PHACTR2: variants seen among roughly 807,000 people sequenced by gnomAD.
PHACTR2 encodes phosphatase and actin regulator 2, also known as chromosome 6 open reading frame 56.
A neutral mutation model predicts 76.0 loss-of-function variants in PHACTR2; 30 were observed. The observed-to-expected ratio is 0.39, with a 90% CI of 0.30 to 0.54. The LOEUF (loss-of-function observed/expected upper bound fraction) is 0.54. Among genes scored for constraint, PHACTR2 ranks in the 20% least tolerant of loss-of-function variants. The probability of loss-of-function intolerance (pLI) is 0.61; values close to 1 mark genes in which losing one functional copy is unlikely to be tolerated. For missense variants in PHACTR2, 696 were observed against 781.1 expected, an observed-to-expected ratio of 0.89 and a Z score of 1.30; for synonymous variants, 292 against 292.5, an observed-to-expected ratio of 1.00 and a Z score of 0.02.
At chr6:143,687,738 A>C (rs1562270235) in intron 1 of PHACTR2, among the ~76,000 whole-genome samples, 1 of 152,142 alleles carries the variant, frequency 6.6e-6, no homozygotes, top group Non-Finnish European at 1.5e-5. Flanking sequence ...AGCCCTTAAC[A>C]CTAAGGAAAT....
rs891780507 is a variant in PHACTR2 at position 143,829,511 on chromosome 6, A to G, written c.*5822A>G. On this transcript the variant is annotated 3_prime_UTR_variant, in exon 13 of 13. Transcript: ENST00000440869. ...TAATAAGATTTGTGAATGCTGCATCATGATGAAAATGTGGATTAACTGTGG... is the reference window on the plus strand; with the variant it reads ...TAATAAGATTTGTGAATGCTGCATCGTGATGAAAATGTGGATTAACTGTGG... 1 of 152,238 alleles carries G rather than the reference A, an allele frequency of 6.6e-6. No homozygotes were observed. The highest frequency in any genetic ancestry group is 6.5e-5 in the Admixed American group (1 of 15,290). The allele number at this position is 152,238 out of a possible 1,614,324, so 9.4% of individuals were successfully genotyped here. A position where few individuals can be genotyped will look rare whatever the true frequency, so the allele number is the denominator to read the frequency against.
chr6:143,625,752 G>A lies in PHACTR2; in HGVS notation c.13+17430G>A, dbSNP rs372416222. On this transcript the variant is annotated intron_variant, in intron 1 of 11. Transcript: ENST00000305766. The surrounding 1 kb of genome is among the most constrained non-coding windows in gnomAD (Gnocchi z 4.3). ...GGCACTCTTCCGGGTGCAGTGAATGGGGCAGTGATGAGACACATGGAGTCC... is the reference window on the plus strand; with the variant it reads ...GGCACTCTTCCGGGTGCAGTGAATGAGGCAGTGATGAGACACATGGAGTCC... Among the ~76,000 whole-genome samples, 75 of 152,298 alleles carry A rather than the reference G, an allele frequency of 4.9e-4. 1 individual carries two copies. In the East Asian group the frequency reaches 5.2e-3, roughly 11 times the overall value.
chr6:143,703,843 A>C (rs1293701836), intron 1 of PHACTR2, among the ~76,000 whole-genome samples: 1 of 152,190 alleles, frequency 6.6e-6, no homozygotes, highest in South Asian at 2.1e-4. Context: ...AAGTTCAAAA[A>C]TAATCTAAAA....
Position 143,811,285 on chromosome 6 carries a change from T to C in PHACTR2, c.1922+4152T>C, listed in dbSNP as rs1776168738. Among the ~76,000 whole-genome samples the C allele has an allele frequency of 6.6e-6, 1 of 152,226 alleles. No homozygotes were observed. Among genetic ancestry groups the C allele is most frequent in the Non-Finnish European group, 1.5e-5 (1 of 68,028 alleles). ...GCTTATTATGTTCTAATGAGCTGTT[T>C]GTCTATCCATGTCTATATCCTACTG... On this transcript the variant is annotated intron_variant, in intron 12 of 12. Transcript: ENST00000440869. The surrounding 1 kb of genome is among the most constrained non-coding windows in gnomAD (Gnocchi z 4.1).
At chr6:143,677,911 C>A (rs1777282293), upstream of PHACTR2, 1 of 732,468 alleles carries the variant, frequency 1.4e-6, no homozygotes, top group Non-Finnish European at 1.8e-6. Context: ...CCTCACCCCC[C>A]TTCTTCCCCC....
At position 143,547,883 on chromosome 6, in the gene PHACTR2, C is replaced by T. The variant is rs567952400; in HGVS notation, c.217+10676C>T. ...CTGTATCTATGTATGTATGTATGTA[C>T]GTATGTATCTATCTATCTATCTATC... On this transcript the variant is annotated intron_variant, in intron 1 of 11. Transcript: ENST00000367584. The surrounding 1 kb of genome is among the most constrained non-coding windows in gnomAD (Gnocchi z 4.2). 2.6e-5 allele frequency among the ~76,000 whole-genome samples: 4 copies of T among 151,254 alleles called. No homozygotes were observed. The highest frequency in any genetic ancestry group is 7.4e-5 in the African/African-American group (3 of 40,646).
Position 143,549,273 on chromosome 6 carries a change from T to C in PHACTR2, c.217+12066T>C, listed in dbSNP as rs1775051801. Among the ~76,000 whole-genome samples, 1 of 151,956 alleles carries C rather than the reference T, an allele frequency of 6.6e-6. No individual in the cohort carries two copies. Among genetic ancestry groups the C allele is most frequent in the African/African-American group, 2.4e-5 (1 of 41,406 alleles). On this transcript the variant is annotated intron_variant, in intron 1 of 11. Coordinates refer to the PHACTR2 transcript ENST00000367584. This position sits in a 1 kb window ranked among gnomAD's most constrained non-coding sequence, Gnocchi z 4.2. ...TCTCTTCCCAAATGGAACAATATGG[T>C]AGTGAGGCCAGTTCAAACCCTTGCT...
At chr6:143,681,912 T>G (rs947260023) in intron 1 of PHACTR2, among the ~76,000 whole-genome samples, 1 of 152,274 alleles carries the variant, frequency 6.6e-6, no homozygotes, top group African/African-American at 2.4e-5. Context: ...ACTTCTGGAT[T>G]CTCAATTCTG....
chr6:143,726,843 A>G (rs781662662), intron 2 of PHACTR2, among the ~76,000 whole-genome samples: 8 of 152,204 alleles, frequency 5.3e-5, no homozygotes, highest in Non-Finnish European at 1.0e-4. Flanking sequence ...GTGTATATTT[A>G]TAGGATACAT....
Position 143,598,041 on chromosome 6 carries a change from T to G in PHACTR2, c.217+60834T>G, listed in dbSNP as rs868755774. The stretch of plus-strand genomic sequence containing the variant: ...ACTTTAGTTAAGGTGACTTGATGCA[T>G]GTAGTTTGTTAAGACAGTGATGATA... On this transcript the variant is annotated intron_variant, in intron 1 of 11. Transcript: ENST00000367584. The surrounding 1 kb of genome is among the most constrained non-coding windows in gnomAD (Gnocchi z 4.1). Among the ~76,000 whole-genome samples the G allele has an allele frequency of 6.6e-6, 1 of 152,104 alleles. No homozygotes were observed. Among genetic ancestry groups the G allele is most frequent in the African/African-American group, 2.4e-5 (1 of 41,380 alleles).
chr6:143,685,804 GA>G (rs1777503714), intron 1 of PHACTR2, among the ~76,000 whole-genome samples: 1 of 151,548 alleles, frequency 6.6e-6, no homozygotes, highest in Admixed American at 6.6e-5. Context: ...CAACTTATCA[GA>G]AAAGCAGTTT....
At chr6:143,655,290 TTAGTGGTTGTC>T (rs1336819153) in intron 1 of PHACTR2, among the ~76,000 whole-genome samples, 1 of 152,088 alleles carries the variant, frequency 6.6e-6, no homozygotes, top group African/African-American at 2.4e-5. Context: ...AGAAAGTACA[TTAGTGGTTGTC>T]TAGGGTTGGG....
At chr6:143,763,276 T>G (rs186568830) in intron 5 of PHACTR2, among the ~76,000 whole-genome samples, 12 of 152,230 alleles carry the variant, frequency 7.9e-5, no homozygotes, top group Admixed American at 5.9e-4. Context: ...GGAGAATCAC[T>G]TGAACCCGGG....
At chr6:143,693,463 C>G (rs1777696851) in intron 1 of PHACTR2, among the ~76,000 whole-genome samples, 1 of 152,200 alleles carries the variant, frequency 6.6e-6, no homozygotes, top group South Asian at 2.1e-4. Context: ...GTCTCGAAAT[C>G]CTGACCTCAG....
intron 1 of PHACTR2, among the ~76,000 whole-genome samples, chr6:143,544,263 A>G (rs13211706): frequency 0.033 from 3,767 of 115,182 alleles, 81 homozygotes; most frequent in South Asian, 0.15. Flanking sequence ...GGAAGGAAGG[A>G]AGGCGGGCAG....
At position 143,556,559 on chromosome 6, in the gene PHACTR2, G is replaced by A. The variant is rs1483011470; in HGVS notation, c.217+19352G>A. ...GAGAAAAAATATTTTGAGAAAAGTTGACTAGCTCCTCTGCAGTGACAGCAT... is the reference window on the plus strand; with the variant it reads ...GAGAAAAAATATTTTGAGAAAAGTTAACTAGCTCCTCTGCAGTGACAGCAT... On this transcript the variant is annotated intron_variant, in intron 1 of 11. Coordinates refer to the PHACTR2 transcript ENST00000367584. The surrounding 1 kb of genome is among the most constrained non-coding windows in gnomAD (Gnocchi z 4.3). Among the ~76,000 whole-genome samples, 3 of 152,188 alleles carry A rather than the reference G, an allele frequency of 2.0e-5. No homozygotes were observed. The highest frequency in any genetic ancestry group is 4.8e-5 in the African/African-American group (2 of 41,452).
intron 1 of PHACTR2, among the ~76,000 whole-genome samples, chr6:143,686,131 CAAA>C (rs555725210): frequency 2.1e-4 from 22 of 105,062 alleles, no homozygotes; most frequent in Non-Finnish European, 3.5e-4. Context: ...GATTCTGTCT[CAAA>C]AAAAAAAAAA....
At position 143,710,408 on chromosome 6, in the gene PHACTR2, T is replaced by C. The variant is rs566892956; in HGVS notation, c.47-1608T>C. 6.6e-6 allele frequency among the ~76,000 whole-genome samples: 1 copy of C among 152,264 alleles called. No individual in the cohort carries two copies. The highest frequency in any genetic ancestry group is 2.1e-4 in the South Asian group (1 of 4,822). The stretch of plus-strand genomic sequence containing the variant: ...CCAGAGGAATAAGAAAAAGTTAAGT[T>C]TGGGCTGCGTGTGGTGGCTCACGCC... On this transcript the variant is annotated intron_variant, in intron 1 of 12. Coordinates refer to ENST00000440869, the MANE Select transcript of PHACTR2 (RefSeq NM_001100164.2). This position sits in a 1 kb window ranked among gnomAD's most constrained non-coding sequence, Gnocchi z 4.9.
At chr6:143,651,014 A>T (rs750158958) in intron 1 of PHACTR2, among the ~76,000 whole-genome samples, 139 of 152,188 alleles carry the variant, frequency 9.1e-4, no homozygotes, top group Non-Finnish European at 1.6e-3. Context: ...AACCCCATTA[A>T]AAAGTGGGCA....
Sources: gnomAD v4.1 joint callset for allele counts (sites outside exome capture counted in the v4.1 genomes callset) on GRCh38, gnomAD v4.1.1 for gene constraint, Gnocchi (gnomAD v3.1) non-coding constraint, MANE v1.5 for transcripts, NCBI Gene and HGNC (gene_info 2026-07-23, HGNC 2026-07-21) for gene names.